PI4KA: variants seen among roughly 807,000 people sequenced by gnomAD.
The protein encoded by PI4KA is phosphatidylinositol 4-kinase alpha, also known as PI4-kinase alpha.
A neutral mutation model predicts 271.4 loss-of-function variants in PI4KA; 122 were observed. The ratio of observed to expected loss-of-function variants is 0.45; its 90% CI spans 0.39 to 0.52. The LOEUF (loss-of-function observed/expected upper bound fraction) is 0.52, where lower values mean the gene tolerates loss of function less well. Ranked by LOEUF, PI4KA falls within the 20% of genes least tolerant of loss-of-function variation. PI4KA has a pLI of 0.00. For missense variants in PI4KA, 1,969 were observed against 2,769.1 expected, an observed-to-expected ratio of 0.71 and a Z score of 6.48; for synonymous variants, 1,041 against 1,078.8, an observed-to-expected ratio of 0.96 and a Z score of 0.69.
chr22:20,711,045 G>C, intron 51 of PI4KA, 187 bp from the exon 52 acceptor site: 1 of 607,428 alleles, frequency 1.6e-6, no homozygotes, highest in Non-Finnish European at 3.0e-6. Context: ...AAAGAGAAGG[G>C]AGGAAGTGGA....
intron 27 of PI4KA, among the ~76,000 whole-genome samples, chr22:20,751,066 G>A (rs925670010): frequency 1.3e-5 from 2 of 151,956 alleles, no homozygotes; most frequent in Non-Finnish European, 2.9e-5. Context: ...GGCTGAGGTG[G>A]GGGAGCTGGG....
rs1930038503 is a variant in PI4KA, at chr22:20,746,057, AAGAATTTTTTT to A, written c.3364-1348_3364-1338del. Among the ~76,000 whole-genome samples, 2 of 137,644 alleles carry A rather than the reference AAGAATTTTTTT, an allele frequency of 1.5e-5. 1 individual carries two copies. Among genetic ancestry groups the A allele is most frequent in the Admixed American group, 1.6e-4 (2 of 12,708 alleles). The allele number at this position is 137,644 out of a possible 152,430, so 90.3% of individuals were successfully genotyped here. ...TTTCATCAAAAAAAAAAAAAAAAAA[AAGAATTTTTTT>A]TTTTTTTTTTTTGAGATGGAGTCTT... On this transcript the variant is annotated intron_variant, in intron 29 of 54. Coordinates refer to ENST00000255882, the MANE Select transcript of PI4KA (RefSeq NM_058004.4).
At chr22:20,777,672 TTAGAA>T (rs1161914935) in intron 19 of PI4KA, among the ~76,000 whole-genome samples, 10 of 152,286 alleles carry the variant, frequency 6.6e-5, no homozygotes, top group African/African-American at 2.2e-4. Context: ...TCTGGGGTGA[TTAGAA>T]GTTGGGACCA....
chr22:20,824,476 C>G, intron 3 of PI4KA, 62 bp from the exon 4 acceptor site: 2 of 1,171,848 alleles, frequency 1.7e-6, no homozygotes, highest in Non-Finnish European at 2.5e-6. Flanking sequence ...ACACCTCTGG[C>G]CATCCAATTC....
chr22:20,858,584 C>G lies in PI4KA; in HGVS notation c.142G>C (p.Ala48Pro), dbSNP rs186489153. 341 of 1,430,938 alleles carry G rather than the reference C, an allele frequency of 2.4e-4. No homozygotes were observed. The highest frequency in any genetic ancestry group is 2.9e-4 in the Non-Finnish European group (320 of 1,091,710). 88.6% of individuals were successfully genotyped at this position (1,430,938 alleles called of 1,614,324 possible). Reference sequence around the variant, plus strand: ...GCCGACGTTACCTTCTCCAAGGATGCTGGTCTCTGCACCGCCAGGGAGCGG... The same window carrying G: ...GCCGACGTTACCTTCTCCAAGGATGGTGGTCTCTGCACCGCCAGGGAGCGG... ...LARSLAVQRP[A>P]SLEKVQKLLC... The change falls in exon 1 of 55, where the codon GCA (alanine) becomes CCA (proline). Residue 48 changes from alanine (A) to proline (P), a missense_variant. Physicochemically the swap from Ala to Pro is conservative, Grantham distance 27. Coordinates refer to ENST00000255882, the MANE Select transcript of PI4KA (RefSeq NM_058004.4).
At chr22:20,852,524 A>G (rs1364898086) in intron 1 of PI4KA, among the ~76,000 whole-genome samples, 1 of 152,206 alleles carries the variant, frequency 6.6e-6, no homozygotes, top group Admixed American at 6.5e-5. Context: ...GCAAACTAAT[A>G]GTTAATATGG....
chr22:20,826,011 C>T (rs75393070), intron 3 of PI4KA, among the ~76,000 whole-genome samples: 4,519 of 152,234 alleles, frequency 0.03, 89 homozygotes, highest in Middle Eastern at 0.062. Context: ...GCTAATTCTC[C>T]CATAACGGTC....
intron 9 of PI4KA, among the ~76,000 whole-genome samples, chr22:20,808,810 C>T (rs1178301960): frequency 1.3e-5 from 2 of 151,880 alleles, no homozygotes; most frequent in African/African-American, 4.8e-5. Context: ...TCCTGAGTAG[C>T]AGGGACTACA....
At chr22:20,720,229 A>G (rs1010129907) in intron 43 of PI4KA, among the ~76,000 whole-genome samples, 1 of 152,142 alleles carries the variant, frequency 6.6e-6, no homozygotes, top group African/African-American at 2.4e-5. Context: ...ACTTGAACAA[A>G]ACACAGCATG....
At chr22:20,824,279 A>G (rs757027530) in intron 4 of PI4KA, 47 bp downstream of exon 4, 2 of 1,186,000 alleles carry the variant, frequency 1.7e-6, no homozygotes, top group Non-Finnish European at 2.5e-6. Flanking sequence ...TTGGGACTCT[A>G]TTCAATCTAA....
chr22:20,857,511 G>T (rs1927748460), intron 1 of PI4KA, among the ~76,000 whole-genome samples: 1 of 152,180 alleles, frequency 6.6e-6, no homozygotes, highest in African/African-American at 2.4e-5. Context: ...GTCTTATCTT[G>T]TCGGAAAACA....
chr22:20,785,243 T>A (rs973191850), intron 19 of PI4KA, among the ~76,000 whole-genome samples: 6 of 152,066 alleles, frequency 3.9e-5, no homozygotes, highest in Non-Finnish European at 5.9e-5. Context: ...CTAATTAAAC[T>A]TTTTTTGGTA....
At chr22:20,848,820 A>G (rs1298025004) in intron 1 of PI4KA, among the ~76,000 whole-genome samples, 1 of 149,670 alleles carries the variant, frequency 6.7e-6, no homozygotes, top group Non-Finnish European at 1.5e-5. Context: ...GGGACAAAAG[A>G]AAAAAAAAAT....
At position 20,753,223 on chromosome 22, in the gene PI4KA, A is replaced by T. The variant is rs1194473033; in HGVS notation, c.2792-43T>A. ...CCATGGATAAGGTGCAGCAACAGAG[A>T]GAGAATCCTAGCAACTTTCAATCAT... On this transcript the variant is annotated intron_variant, in intron 23 of 54. Coordinates refer to ENST00000255882, the MANE Select transcript of PI4KA (RefSeq NM_058004.4). 9.1e-6 allele frequency: 14 copies of T among 1,530,518 alleles called. No homozygotes were observed. In the Admixed American group the frequency reaches 2.4e-4, roughly 26 times the overall value. The allele number at this position is 1,530,518 out of a possible 1,614,324, so 94.8% of individuals were successfully genotyped here.
chr22:20,783,920 G>A lies in PI4KA; in HGVS notation c.2328+9273C>T, dbSNP rs557332402. 298 of 1,613,006 alleles carry A rather than the reference G, an allele frequency of 1.8e-4. 4 individuals carry two copies. In the East Asian group the frequency reaches 3.7e-3, roughly 20 times the overall value. ...TCAGATTCACTCTCAAGGGTGAGACGATTTCCCTAAAGGAACCTTCTCATA... is the reference window on the plus strand; with the variant it reads ...TCAGATTCACTCTCAAGGGTGAGACAATTTCCCTAAAGGAACCTTCTCATA... On this transcript the variant is annotated intron_variant, in intron 19 of 54. Transcript: ENST00000255882.
Position 20,761,350 on chromosome 22 carries a change from T to A in PI4KA, c.2745A>T (p.Val915=). The change falls in exon 23 of 55, where the codon GTA becomes GTT. Residue 915 remains valine, a synonymous_variant. Transcript: ENST00000255882. ...CTTTATCCTCAAAGTAGCAGAACAT[T>A]ACCTGGAAGCGATCAGGATCTGTTG... ...LRSTDPDRFQ[V]MFCYFEDKAI... 6.2e-7 allele frequency: 1 copy of A among 1,612,416 alleles called. No homozygotes were observed. The highest frequency in any genetic ancestry group is 1.1e-5 in the South Asian group (1 of 91,048).
At chr22:20,731,298 C>G (rs1246082722) in intron 36 of PI4KA, among the ~76,000 whole-genome samples, 2 of 152,238 alleles carry the variant, frequency 1.3e-5, no homozygotes, top group Non-Finnish European at 2.9e-5. Flanking sequence ...ACTTGAGGGC[C>G]TGTGGGGGCA....
At chr22:20,727,731 T>C (rs772055173) in intron 40 of PI4KA, 43 bp downstream of exon 40, 7 of 1,449,290 alleles carry the variant, frequency 4.8e-6, no homozygotes, top group Admixed American at 3.4e-5. Context: ...GTGTGCTATT[T>C]TGTGCAGTTT....
chr22:20,819,979 T>G, intron 5 of PI4KA, 79 bp from the exon 6 acceptor site: 1 of 1,261,816 alleles, frequency 7.9e-7, no homozygotes, highest in South Asian at 1.4e-5. Context: ...CTTGTAACAT[T>G]GACTAAGATT....
Sources: allele counts gnomAD v4.1 joint callset (sites outside exome capture counted in the v4.1 genomes callset), GRCh38; gene constraint gnomAD v4.1.1; transcripts MANE v1.5; gene names NCBI Gene and HGNC (gene_info 2026-07-23, HGNC 2026-07-21).